The following ATP6V0D2 variants were observed in gnomAD, a reference collection of about 807,000 sequenced individuals.
The protein encoded by ATP6V0D2 is ATPase H+ transporting V0 subunit d2.
ATP6V0D2 carries 40 observed loss-of-function variants against 40.0 expected under a neutral mutation model. That is an observed-to-expected ratio of 1.00 (90% CI 0.78 to 1.30). ATP6V0D2 has a LOEUF of 1.30. Among genes scored for constraint, ATP6V0D2 ranks in the 50% most tolerant of loss-of-function variants. The probability of loss-of-function intolerance (pLI) is 0.00; values close to 1 mark genes in which losing one functional copy is unlikely to be tolerated. For synonymous variants in ATP6V0D2, 179 were observed against 156.3 expected (o/e 1.15, Z -1.08); for missense variants, 470 against 423.1 (o/e 1.11, Z -0.97).
At chr8:86,145,180 GAGAAAGAAAGAAAGA>G (rs1563565978) in intron 5 of ATP6V0D2, among the ~76,000 whole-genome samples, 19,890 of 105,678 alleles carry the variant, frequency 0.19, 3,411 homozygotes, top group African/African-American at 0.38. Flanking sequence ...GAGAGAAAGA[GAGAAAGAAAGAAAGA>G]AAAGAAAGAA....
rs527702429 is a variant in ATP6V0D2 at position 86,144,494 on chromosome 8, A to G, written c.639+1540A>G. On this transcript the variant is annotated intron_variant, in intron 5 of 7. Coordinates refer to ENST00000285393, the MANE Select transcript of ATP6V0D2 (RefSeq NM_152565.1). Reference sequence around the variant, plus strand: ...AGGTAAAAAGAAAAAAATTAACTTCATTTGCAAGTATTTCAACCTAATGCT... The same window carrying G: ...AGGTAAAAAGAAAAAAATTAACTTCGTTTGCAAGTATTTCAACCTAATGCT... Among the ~76,000 whole-genome samples the G allele has an allele frequency of 9.9e-5, 15 of 152,226 alleles. No individual in the cohort carries two copies. In the East Asian group the frequency reaches 1.5e-3, roughly 16 times the overall value.
At position 86,147,345 on chromosome 8, in the gene ATP6V0D2, A is replaced by G. The variant is rs559990923; in HGVS notation, c.640-2767A>G. 6.6e-5 allele frequency among the ~76,000 whole-genome samples: 10 copies of G among 152,310 alleles called. 1 individual carries two copies. The highest frequency in any genetic ancestry group is 2.1e-4 in the South Asian group (1 of 4,822). On this transcript the variant is annotated intron_variant, in intron 5 of 7. Coordinates refer to ENST00000285393, the MANE Select transcript of ATP6V0D2 (RefSeq NM_152565.1). ...TTGAGCAAGTAAACAGTTCATTGCT[A>G]TCTCTTGAAATAACAAAAAAAATAA...
At chr8:86,103,263 A>C (rs940116906) in intron 1 of ATP6V0D2, among the ~76,000 whole-genome samples, 1 of 149,848 alleles carries the variant, frequency 6.7e-6, no homozygotes, top group Non-Finnish European at 1.5e-5. Flanking sequence ...AATTACAGGC[A>C]TGTGCCACCA....
chr8:86,151,088 C>T (rs893660610), intron 6 of ATP6V0D2, among the ~76,000 whole-genome samples: 1 of 152,186 alleles, frequency 6.6e-6, no homozygotes, highest in African/African-American at 2.4e-5. Flanking sequence ...CTGGAAACTA[C>T]ATGTGAATTT....
At chr8:86,112,354 A>G (rs953166994) in intron 1 of ATP6V0D2, among the ~76,000 whole-genome samples, 33 of 152,322 alleles carry the variant, frequency 2.2e-4, no homozygotes, top group African/African-American at 6.7e-4. Flanking sequence ...ATAAAGTTTT[A>G]AGTGACTTTG....
chr8:86,104,850 T>TACACACAC (rs146266622), intron 1 of ATP6V0D2, among the ~76,000 whole-genome samples: 3,989 of 146,038 alleles, frequency 0.027, 173 homozygotes, highest in African/African-American at 0.087. Context: ...TTAAAACACA[T>TACACACAC]ACACACACAC....
At chr8:86,144,346 C>G (rs1021229707) in intron 5 of ATP6V0D2, among the ~76,000 whole-genome samples, 1 of 152,182 alleles carries the variant, frequency 6.6e-6, no homozygotes, top group Admixed American at 6.5e-5. Flanking sequence ...TAAGCCCTTA[C>G]TTTGCCCTGT....
At chr8:86,143,887 C>T (rs1819012098) in intron 5 of ATP6V0D2, among the ~76,000 whole-genome samples, 1 of 152,128 alleles carries the variant, frequency 6.6e-6, no homozygotes. Context: ...GGTGAGGGAA[C>T]ATTGGGCAGC....
intron 2 of ATP6V0D2, among the ~76,000 whole-genome samples, chr8:86,124,525 C>A (rs1027825819): frequency 2.0e-5 from 3 of 152,254 alleles, no homozygotes; most frequent in Non-Finnish European, 4.4e-5. Flanking sequence ...GCCCTCCAGG[C>A]GACCCTGATA....
At chr8:86,139,386 T>C (rs1260630616) in intron 2 of ATP6V0D2, 71 bp from the exon 3 acceptor site, 2 of 1,366,506 alleles carry the variant, frequency 1.5e-6, no homozygotes, top group Non-Finnish European at 2.0e-6. Flanking sequence ...AGAGTGTGTG[T>C]TTTTTACTTG....
rs1294269297 is a variant in ATP6V0D2 at position 86,113,727 on chromosome 8, A to G, written c.149A>G (p.Gln50Arg). 6.2e-7 allele frequency: 1 copy of G among 1,609,366 alleles called. No homozygotes were observed. The highest frequency in any genetic ancestry group is 8.5e-7 in the Non-Finnish European group (1 of 1,177,554). ...ATTTCAGACCTGAAAATTCATCTCC[A>G]GACTACTGATTATGGTAACTTTTTG... Reference protein sequence around the residue: ...ETLEDLKIHLQTTDYGNFLAN... With the variant: ...ETLEDLKIHLRTTDYGNFLAN... Residue 50 changes from glutamine to arginine, a missense_variant, in exon 2 of 8, where the codon CAG (glutamine) becomes CGG (arginine). Gln to Arg is a conservative substitution (Grantham distance 43). Coordinates refer to ENST00000285393, the MANE Select transcript of ATP6V0D2 (RefSeq NM_152565.1).
At chr8:86,125,348 G>C (rs534792550) in intron 2 of ATP6V0D2, among the ~76,000 whole-genome samples, 5 of 152,144 alleles carry the variant, frequency 3.3e-5, no homozygotes, top group Non-Finnish European at 7.3e-5. Flanking sequence ...TAGTTTAAGA[G>C]ATTTGAGACT....
At chr8:86,131,643 G>T (rs1256846883) in intron 2 of ATP6V0D2, among the ~76,000 whole-genome samples, 2 of 151,888 alleles carry the variant, frequency 1.3e-5, no homozygotes, top group Non-Finnish European at 2.9e-5. Flanking sequence ...TGGGATTACA[G>T]GCACCTGTCA....
Position 86,151,489 on chromosome 8 carries a change from T to C in ATP6V0D2, c.840T>C (p.Ala280=). 2 of 1,606,650 alleles carry C rather than the reference T, an allele frequency of 1.2e-6. No individual in the cohort carries two copies. ...HYGVYKPLFE[A]VGGSGGKTLE... ...AGGTATACAAACCTTTATTTGAAGCTGTAGGTGGCAGTGGGGGAAAGACAT... is the reference window on the plus strand; with the variant it reads ...AGGTATACAAACCTTTATTTGAAGCCGTAGGTGGCAGTGGGGGAAAGACAT... Residue 280 remains alanine, a synonymous_variant, in exon 7 of 8, where the codon GCT becomes GCC. Transcript: ENST00000285393.
rs763789128 is a variant in ATP6V0D2, at chr8:86,113,784, A to G, written c.206A>G (p.Lys69Arg). Residue 69 changes from lysine (K) to arginine (R), a missense_variant, in exon 2 of 8, where the codon AAA becomes AGA. Coordinates refer to ENST00000285393, the MANE Select transcript of ATP6V0D2 (RefSeq NM_152565.1). Reference sequence around the variant, plus strand: ...CACACAAATCCTCTTACTGTTTCCAAAATTGACACTGAGATGAGGAAAAGA... The same window carrying G: ...CACACAAATCCTCTTACTGTTTCCAGAATTGACACTGAGATGAGGAAAAGA... ...ANHTNPLTVS[K>R]IDTEMRKRLC... 16 of 1,613,992 alleles carry G rather than the reference A, an allele frequency of 9.9e-6. No individual in the cohort carries two copies. In the South Asian group the frequency reaches 1.4e-4, roughly 14 times the overall value.
intron 1 of ATP6V0D2, among the ~76,000 whole-genome samples, chr8:86,105,897 AGCCACTGT>A (rs2130229211): frequency 6.6e-6 from 1 of 152,154 alleles, no homozygotes; most frequent in African/African-American, 2.4e-5. Flanking sequence ...TATAGACGTG[AGCCACTGT>A]GCCTGGCTGC....
chr8:86,102,759 G>C lies in ATP6V0D2; in HGVS notation c.130+3651G>C, dbSNP rs375382890. 7.9e-5 allele frequency among the ~76,000 whole-genome samples: 12 copies of C among 152,174 alleles called. No individual in the cohort carries two copies. The East Asian group carries it at 1.5e-3, about 20-fold the overall frequency. ...CCCTGACTAATTGTGACTTGATTCA[G>C]ATCTCTGGATCCACTGTGACTCAGT... On this transcript the variant is annotated intron_variant, in intron 1 of 7. Coordinates refer to ENST00000285393, the MANE Select transcript of ATP6V0D2 (RefSeq NM_152565.1).
At chr8:86,136,843 A>C (rs1464269823) in intron 2 of ATP6V0D2, among the ~76,000 whole-genome samples, 1 of 152,104 alleles carries the variant, frequency 6.6e-6, no homozygotes, top group Admixed American at 6.6e-5. Context: ...TCATTTTTCA[A>C]GTGTATCTCA....
chr8:86,104,360 A>T (rs1348187105), intron 1 of ATP6V0D2, among the ~76,000 whole-genome samples: 2 of 152,166 alleles, frequency 1.3e-5, no homozygotes, highest in African/African-American at 4.8e-5. Context: ...TAAATAAGTT[A>T]TGGAACATTC....
Sources: allele counts gnomAD v4.1 joint callset (sites outside exome capture counted in the v4.1 genomes callset), GRCh38; gene constraint gnomAD v4.1.1; transcripts MANE v1.5; gene names NCBI Gene and HGNC (gene_info 2026-07-23, HGNC 2026-07-21).